The following COG6 variants were observed in gnomAD, a reference collection of about 807,000 sequenced individuals.
COG6 encodes conserved oligomeric Golgi complex subunit 6.
Under a neutral mutation model 88.8 loss-of-function variants are expected in COG6, and 74 were observed. The ratio of observed to expected loss-of-function variants is 0.83; its 90% confidence interval spans 0.69 to 1.01. The LOEUF is 1.01. Ranked by LOEUF, COG6 falls within the 50% of genes least tolerant of loss-of-function variation. The pLI is 0.00. For synonymous variants in COG6, 286 were observed against 278.7 expected, an observed-to-expected ratio of 1.03 and a Z score of -0.26; for missense variants, 800 against 797.9, an observed-to-expected ratio of 1.00 and a Z score of -0.03.
chr13:39,692,138 G>A (rs914070285), intron 11 of COG6, among the ~76,000 whole-genome samples: 1 of 151,930 alleles, frequency 6.6e-6, no homozygotes, highest in Admixed American at 6.6e-5. Flanking sequence ...TAAACCTATT[G>A]CCAGTTTAAA....
In COG6 at chr13:39,694,955, GCA is replaced by G. The variant is rs5803006; in HGVS notation, c.1166+264_1166+265del. On this transcript the variant is annotated intron_variant, in intron 12 of 18. Coordinates refer to ENST00000455146, the MANE Select transcript of COG6 (RefSeq NM_020751.3). Reference sequence around the variant, plus strand: ...CTTTTTTCTCCAAGCTTAACTACACGCACACACACACACACACACACACACAC... The same window carrying G: ...CTTTTTTCTCCAAGCTTAACTACACGCACACACACACACACACACACACAC... Among the ~76,000 whole-genome samples the G allele has an allele frequency of 0.19, 26,880 of 142,434 alleles. 2,583 individuals are homozygous for G. The highest frequency in any genetic ancestry group is 0.32 in the South Asian group (1,385 of 4,360). The allele number at this position is 142,434 out of a possible 152,430, so 93.4% of individuals were successfully genotyped here. A position where few individuals can be genotyped will look rare whatever the true frequency, so the allele number is the denominator to read the frequency against.
chr13:39,778,772 G>A (rs1881544022), intron 18 of COG6, among the ~76,000 whole-genome samples: 1 of 152,242 alleles, frequency 6.6e-6, no homozygotes, highest in Non-Finnish European at 1.5e-5. Flanking sequence ...GGGAGCCACT[G>A]CCAGGGTGGC....
chr13:39,733,666 G>T (rs1359500365), intron 18 of COG6, among the ~76,000 whole-genome samples: 1 of 151,828 alleles, frequency 6.6e-6, no homozygotes, highest in South Asian at 2.1e-4. Flanking sequence ...AATGAACGTG[G>T]AAGTATTCCC....
At chr13:39,690,089 T>A (rs1348324441) in intron 11 of COG6, among the ~76,000 whole-genome samples, 1 of 83,402 alleles carries the variant, frequency 1.2e-5, no homozygotes, top group African/African-American at 4.0e-5. Flanking sequence ...CTTATTCAAT[T>A]GAGAAAAAAA....
chr13:39,720,189 A>T (rs547559208), intron 15 of COG6, among the ~76,000 whole-genome samples: 2 of 152,260 alleles, frequency 1.3e-5, no homozygotes, highest in Admixed American at 1.3e-4. Flanking sequence ...ATAATATGCT[A>T]TATTTTTCAA....
chr13:39,775,424 C>G (rs1010628052), intron 18 of COG6, among the ~76,000 whole-genome samples: 1 of 152,210 alleles, frequency 6.6e-6, no homozygotes, highest in Admixed American at 6.5e-5. Context: ...TTTCTCCACA[C>G]ACTCTACCCA....
chr13:39,664,082 TAGA>T (rs1396692258), intron 3 of COG6: 4 of 154,752 alleles, frequency 2.6e-5, no homozygotes, highest in Non-Finnish European at 5.9e-5. Context: ...ACTGAGTTTG[TAGA>T]GGATTAGGCC....
intron 18 of COG6, among the ~76,000 whole-genome samples, chr13:39,743,214 A>C (rs1880145589): frequency 6.6e-6 from 1 of 152,214 alleles, no homozygotes; most frequent in Non-Finnish European, 1.5e-5. Context: ...AAGAGCAAAC[A>C]AATTGAAAAG....
chr13:39,726,142 A>G (rs1391819170), intron 17 of COG6, among the ~76,000 whole-genome samples: 2 of 151,930 alleles, frequency 1.3e-5, no homozygotes, highest in South Asian at 2.1e-4. Context: ...TGTTGTCTCC[A>G]TTTAGGGGTT....
chr13:39,714,475 C>A (rs561254829), intron 13 of COG6, among the ~76,000 whole-genome samples: 1 of 151,900 alleles, frequency 6.6e-6, no homozygotes, highest in African/African-American at 2.4e-5. Context: ...AGATGAACAG[C>A]CATTTCTCAA....
Position 39,724,514 on chromosome 13 carries a change from T to G in COG6, c.1699T>G (p.Leu567Val). Reference sequence around the variant, plus strand: ...TTTTTTTTTTTTTAAATAGGGCTCTTTAGCTAATATGCCCAACCTAGATTC... The same window carrying G: ...TTTTTTTTTTTTTAAATAGGGCTCTGTAGCTAATATGCCCAACCTAGATTC... ...VQQHKPEQGSLANMPNLDSVT... is the reference protein window; with the variant it reads ...VQQHKPEQGSVANMPNLDSVT... Residue 567 changes from leucine (L) to valine (V), a missense_variant, in exon 17 of 19, where the codon TTA (leucine) becomes GTA (valine). Leu to Val is a conservative substitution (Grantham distance 32). Coordinates refer to ENST00000455146, the MANE Select transcript of COG6 (RefSeq NM_020751.3). 1 of 1,594,878 alleles carries G rather than the reference T, an allele frequency of 6.3e-7. No individual in the cohort carries two copies. The highest frequency in any genetic ancestry group is 8.6e-7 in the Non-Finnish European group (1 of 1,164,648).
intron 13 of COG6, among the ~76,000 whole-genome samples, chr13:39,702,591 T>C (rs977979031): frequency 6.6e-6 from 1 of 151,998 alleles, no homozygotes; most frequent in Non-Finnish European, 1.5e-5. Flanking sequence ...GAGATAAAAC[T>C]AACAGCCAAC....
In COG6 at chr13:39,751,743, G is replaced by C. The variant is rs1566039681; in HGVS notation, c.*650G>C. The C allele has an allele frequency of 7.8e-7, 1 of 1,286,836 alleles. No homozygotes were observed. Among genetic ancestry groups the C allele is most frequent in the South Asian group, 1.2e-5 (1 of 80,920 alleles). The allele number at this position is 1,286,836 out of a possible 1,614,324, so 79.7% of individuals were successfully genotyped here. ...TTAAGTATACACTCAGCAATAATTA[G>C]AAAAAAAGGAGAGAGAAAAGTGATT... is the stretch of plus-strand genomic sequence containing the variant. On this transcript the variant is annotated 3_prime_UTR_variant, in exon 19 of 19. Transcript: ENST00000455146.
intron 17 of COG6, among the ~76,000 whole-genome samples, chr13:39,725,165 G>A (rs1026592657): frequency 6.6e-6 from 1 of 151,742 alleles, no homozygotes; most frequent in Non-Finnish European, 1.5e-5. Flanking sequence ...AAGTCATATA[G>A]CTCTATCCCT....
Position 39,724,552 on chromosome 13 carries a change from G to C in COG6, c.1737G>C (p.Lys579Asn), listed in dbSNP as rs367868006. Residue 579 changes from lysine to asparagine, a missense_variant, in exon 17 of 19, where the codon AAG (lysine) becomes AAC (asparagine). Lys to Asn is a moderately conservative substitution (Grantham distance 94). Coordinates refer to ENST00000455146, the MANE Select transcript of COG6 (RefSeq NM_020751.3). ...CCAACCTAGATTCTGTGACACTGAA[G>C]GCTGCAATGGTAAGTGTATAATAAA... ...NMPNLDSVTLKAAMVQFDRYL... is the reference protein window; with the variant it reads ...NMPNLDSVTLNAAMVQFDRYL... 99 of 1,594,798 alleles carry C rather than the reference G, an allele frequency of 6.2e-5. No individual in the cohort carries two copies. The highest frequency in any genetic ancestry group is 7.6e-5 in the Non-Finnish European group (89 of 1,164,032).
intron 4 of COG6, 107 bp downstream of exon 4, chr13:39,665,261 G>A: frequency 4.3e-6 from 3 of 693,930 alleles, no homozygotes; most frequent in East Asian, 2.7e-5. Context: ...TAAAAAACAT[G>A]GTTCATAAGG....
intron 18 of COG6, among the ~76,000 whole-genome samples, chr13:39,772,804 T>C (rs562085209): frequency 3.3e-5 from 5 of 152,350 alleles, no homozygotes; most frequent in African/African-American, 1.2e-4. Context: ...CCTGCCCCCA[T>C]TGAGGAACTG....
chr13:39,673,702 T>C (rs1037604698), intron 4 of COG6, among the ~76,000 whole-genome samples: 3 of 151,992 alleles, frequency 2.0e-5, no homozygotes, highest in African/African-American at 7.2e-5. Flanking sequence ...AATATAAATC[T>C]ATTGTATAAA....
chr13:39,671,902 T>C (rs1875667425), intron 4 of COG6, among the ~76,000 whole-genome samples: 1 of 151,988 alleles, frequency 6.6e-6, no homozygotes, highest in African/African-American at 2.4e-5. Context: ...CTAGCACTTA[T>C]TTTCTGCCCT....
Sources: gnomAD v4.1 joint callset for allele counts (sites outside exome capture counted in the v4.1 genomes callset) on GRCh38, gnomAD v4.1.1 for gene constraint, MANE v1.5 for transcripts, NCBI Gene and HGNC (gene_info 2026-07-23, HGNC 2026-07-21) for gene names.